The following FMN1 variants were observed in gnomAD, a reference collection of about 807,000 sequenced individuals.
The protein encoded by FMN1 is formin-1.
In FMN1, 110 loss-of-function variants were observed where a neutral mutation model predicts 132.4. The observed-to-expected ratio is 0.83, with a 90% CI of 0.71 to 0.97. FMN1 has a LOEUF of 0.97. FMN1 is among the 50% of genes least tolerant of loss of function. The probability of loss-of-function intolerance (pLI) is 0.00; values close to 1 mark genes in which losing one functional copy is unlikely to be tolerated. For missense variants in FMN1, 1,792 were observed against 1,705.3 expected (o/e 1.05, Z -0.90); for synonymous variants, 722 against 651.7 (o/e 1.11, Z -1.64).
intron 17 of FMN1, among the ~76,000 whole-genome samples, chr15:32,819,433 G>C (rs2058148702): frequency 6.6e-6 from 1 of 152,206 alleles, no homozygotes; most frequent in African/African-American, 2.4e-5. Flanking sequence ...TTATGCTGCT[G>C]TTTTTATGGC....
chr15:32,867,680 A>G (rs2059423748), intron 16 of FMN1, among the ~76,000 whole-genome samples: 1 of 152,008 alleles, frequency 6.6e-6, no homozygotes, highest in Non-Finnish European at 1.5e-5. Context: ...TTTAGTAGAG[A>G]CGGGGTTTCA....
chr15:32,848,326 A>G (rs566747629), intron 17 of FMN1, among the ~76,000 whole-genome samples: 8 of 138,554 alleles, frequency 5.8e-5, no homozygotes, highest in African/African-American at 2.6e-4. Context: ...CAGCAGGTTC[A>G]TGTGTGTGCA....
chr15:33,067,174 T>G, intron 5 of FMN1: 1 of 1,613,898 alleles, frequency 6.2e-7, no homozygotes, highest in Non-Finnish European at 8.5e-7. Context: ...GGGACCCTTC[T>G]TCTCCCACCT....
intron 9 of FMN1, among the ~76,000 whole-genome samples, chr15:32,940,552 T>A (rs2061380250): frequency 6.6e-6 from 1 of 152,068 alleles, no homozygotes; most frequent in African/African-American, 2.4e-5. Context: ...AGGTATACGA[T>A]CCTTGAAAAT....
chr15:33,026,602 T>C (rs763023235), intron 6 of FMN1, among the ~76,000 whole-genome samples: 1 of 152,224 alleles, frequency 6.6e-6, no homozygotes, highest in Non-Finnish European at 1.5e-5. Context: ...AATGCATATA[T>C]AAGCATTGGT....
chr15:33,149,481 A>G (rs1964360398), intron 4 of FMN1, among the ~76,000 whole-genome samples: 2 of 152,220 alleles, frequency 1.3e-5, no homozygotes, highest in Admixed American at 1.3e-4. Flanking sequence ...CAATGCTGCA[A>G]TAAACATCCT....
intron 4 of FMN1, among the ~76,000 whole-genome samples, chr15:33,139,942 T>C (rs950741142): frequency 1.3e-5 from 2 of 152,198 alleles, no homozygotes; most frequent in African/African-American, 4.8e-5. Flanking sequence ...AAAAAAGATA[T>C]GAAAAATTTC....
intron 7 of FMN1, among the ~76,000 whole-genome samples, chr15:32,974,982 T>C (rs2032087334): frequency 1.3e-5 from 2 of 152,196 alleles, no homozygotes; most frequent in South Asian, 4.1e-4. Flanking sequence ...CTCTGCCTAC[T>C]TTCCCAGATA....
Position 32,766,445 on chromosome 15 carries a change from G to A in FMN1, c.*7865C>T, listed in dbSNP as rs1404924976. Reference sequence around the variant, plus strand: ...CGTTCTGCATCATAGCTGGTGACCCGGTCTGATGTACAAATTTATCAAGAG... The same window carrying A: ...CGTTCTGCATCATAGCTGGTGACCCAGTCTGATGTACAAATTTATCAAGAG... On this transcript the variant is annotated 3_prime_UTR_variant, in exon 21 of 21. Coordinates refer to ENST00000616417, the MANE Select transcript of FMN1 (RefSeq NM_001277313.2). 1 of 151,926 alleles carries A rather than the reference G, an allele frequency of 6.6e-6. No homozygotes were observed. Among genetic ancestry groups the A allele is most frequent in the East Asian group, 1.9e-4 (1 of 5,194 alleles). 9.4% of individuals were successfully genotyped at this position (151,926 alleles called of 1,614,324 possible).
chr15:32,981,354 C>T (rs920266180), intron 7 of FMN1, among the ~76,000 whole-genome samples: 2 of 151,092 alleles, frequency 1.3e-5, no homozygotes, highest in Admixed American at 6.6e-5. Context: ...TTAGCCGGCG[C>T]GGTGGCAGGC....
chr15:32,971,948 T>G (rs1422266187), intron 7 of FMN1, among the ~76,000 whole-genome samples: 2 of 152,182 alleles, frequency 1.3e-5, no homozygotes, highest in Non-Finnish European at 2.9e-5. Context: ...ATATATCATT[T>G]TAGCAGCTCT....
At chr15:33,189,204 G>A (rs1965989677) in intron 2 of FMN1, among the ~76,000 whole-genome samples, 1 of 152,158 alleles carries the variant, frequency 6.6e-6, no homozygotes, top group Non-Finnish European at 1.5e-5. Flanking sequence ...GGGGTTGGAT[G>A]GGTAGGAAAG....
intron 4 of FMN1, among the ~76,000 whole-genome samples, chr15:33,134,221 T>C (rs1017685311): frequency 3.9e-5 from 6 of 152,124 alleles, no homozygotes; most frequent in Admixed American, 1.3e-4. Flanking sequence ...AGAGCTGGGA[T>C]TACAAGTGTG....
At chr15:32,888,851 A>G (rs956154437) in intron 15 of FMN1, among the ~76,000 whole-genome samples, 3 of 145,018 alleles carry the variant, frequency 2.1e-5, no homozygotes, top group Admixed American at 1.4e-4. Flanking sequence ...CTACACATAT[A>G]CACAGGTTTT....
chr15:33,024,067 G>A (rs2035549791), intron 6 of FMN1, among the ~76,000 whole-genome samples: 1 of 151,928 alleles, frequency 6.6e-6, no homozygotes, highest in Non-Finnish European at 1.5e-5. Flanking sequence ...AAAAAGGATA[G>A]CAACCATTAG....
rs56203939 is a variant in FMN1 at position 32,998,406 on chromosome 15, G to A, written c.2223+9608C>T. Among the ~76,000 whole-genome samples the A allele has an allele frequency of 3.4e-3, 523 of 152,306 alleles. 4 individuals carry two copies. Among genetic ancestry groups the A allele is most frequent in the African/African-American group, 0.012 (497 of 41,562 alleles). On this transcript the variant is annotated intron_variant, in intron 7 of 20. Transcript: ENST00000616417. ...TTGGATTGAGTTGGGACAGATGCAG[G>A]GGCCCACTCTTTTCCCAGGCCAGAA...
chr15:32,840,456 G>A (rs1033046416), intron 17 of FMN1, among the ~76,000 whole-genome samples: 6 of 152,130 alleles, frequency 3.9e-5, no homozygotes, highest in East Asian at 1.9e-4. Context: ...AGATACTACC[G>A]AGGACCTAAC....
intron 4 of FMN1, among the ~76,000 whole-genome samples, chr15:33,116,843 A>G (rs1418158897): frequency 6.6e-6 from 1 of 152,182 alleles, no homozygotes; most frequent in Non-Finnish European, 1.5e-5. Context: ...CAGGTCCTTC[A>G]TAGAGAAAAT....
intron 2 of FMN1, among the ~76,000 whole-genome samples, chr15:33,182,085 A>G (rs1595609695): frequency 1.3e-5 from 2 of 152,192 alleles, no homozygotes; most frequent in East Asian, 1.9e-4. Context: ...CTGGAAGCAG[A>G]GAGAAGCCAG....
Sources: allele counts gnomAD v4.1 joint callset (sites outside exome capture counted in the v4.1 genomes callset), GRCh38; gene constraint gnomAD v4.1.1; transcripts MANE v1.5; gene names NCBI Gene and HGNC (gene_info 2026-07-23, HGNC 2026-07-21).